GRAMD2B: variants seen among roughly 807,000 people sequenced by gnomAD.
The protein encoded by GRAMD2B is GRAM domain-containing protein 2B.
GRAMD2B carries 41 observed loss-of-function variants against 59.2 expected under a neutral mutation model. The ratio of observed to expected loss-of-function variants is 0.69; its 90% CI spans 0.54 to 0.90. The LOEUF (loss-of-function observed/expected upper bound fraction) is 0.90. Ranked by LOEUF, GRAMD2B falls within the 40% of genes least tolerant of loss-of-function variation. The probability of loss-of-function intolerance (pLI) is 0.00; values close to 1 mark genes in which losing one functional copy is unlikely to be tolerated. For synonymous variants in GRAMD2B, 161 were observed against 182.7 expected (o/e 0.88, Z 0.96); for missense variants, 424 against 500.5 (o/e 0.85, Z 1.46).
chr5:126,407,502 G>A (rs1402052596), intron 1 of GRAMD2B, among the ~76,000 whole-genome samples: 2 of 151,898 alleles, frequency 1.3e-5, no homozygotes, highest in Non-Finnish European at 2.9e-5. Flanking sequence ...CTTTCCTTCT[G>A]CTCACAAGAG....
At chr5:126,464,226 G>A (rs143208237) in intron 1 of GRAMD2B, among the ~76,000 whole-genome samples, 1 of 152,202 alleles carries the variant, frequency 6.6e-6, no homozygotes, top group Non-Finnish European at 1.5e-5. Flanking sequence ...ACAGTCATAT[G>A]CAGGTGAGAC....
At chr5:126,394,801 G>A (rs573818104) in intron 1 of GRAMD2B, among the ~76,000 whole-genome samples, 19 of 152,290 alleles carry the variant, frequency 1.2e-4, no homozygotes, top group South Asian at 4.1e-4. Flanking sequence ...TCAAGAAACT[G>A]TAAATGTATT....
intron 1 of GRAMD2B, among the ~76,000 whole-genome samples, chr5:126,464,632 C>T (rs181916361): frequency 2.0e-5 from 3 of 152,294 alleles, no homozygotes; most frequent in South Asian, 2.1e-4. Context: ...GTTTTTCCAA[C>T]GCCTATTGAT....
chr5:126,449,150 T>C (rs1764872130), intron 1 of GRAMD2B, among the ~76,000 whole-genome samples: 3 of 152,202 alleles, frequency 2.0e-5, no homozygotes, highest in Non-Finnish European at 4.4e-5. Context: ...ATGTCAAATA[T>C]AAAATTAAAA....
At chr5:126,414,964 A>G (rs934364528) in intron 1 of GRAMD2B, among the ~76,000 whole-genome samples, 18 of 152,172 alleles carry the variant, frequency 1.2e-4, no homozygotes, top group African/African-American at 3.9e-4. Flanking sequence ...TAGTTTGTCT[A>G]TATAAAGACA....
intron 1 of GRAMD2B, among the ~76,000 whole-genome samples, chr5:126,396,585 G>A (rs1417727999): frequency 6.6e-6 from 1 of 152,180 alleles, no homozygotes; most frequent in African/African-American, 2.4e-5. Context: ...TTGTTGATGG[G>A]CATTTATGTT....
At chr5:126,455,932 T>C (rs1479298248) in intron 1 of GRAMD2B, among the ~76,000 whole-genome samples, 2 of 152,158 alleles carry the variant, frequency 1.3e-5, no homozygotes, top group Non-Finnish European at 2.9e-5. Flanking sequence ...CATGTATTGT[T>C]CTGTGTTTAT....
upstream of GRAMD2B, chr5:126,423,136 C>T (rs912621151): frequency 3.4e-5 from 34 of 994,180 alleles, no homozygotes; most frequent in African/African-American, 5.4e-4. Context: ...CAGACGTCTC[C>T]ATTTCCGGTA....
intron 1 of GRAMD2B, among the ~76,000 whole-genome samples, chr5:126,380,674 G>T (rs563294504): frequency 1.7e-4 from 26 of 152,164 alleles, no homozygotes; most frequent in African/African-American, 6.0e-4. Flanking sequence ...TGTAAAAGGG[G>T]TTGAGTTATT....
intron 1 of GRAMD2B, among the ~76,000 whole-genome samples, chr5:126,428,809 C>T (rs1245375179): frequency 6.6e-6 from 1 of 152,076 alleles, no homozygotes; most frequent in Non-Finnish European, 1.5e-5. Flanking sequence ...TAATCATTAG[C>T]GAAACGCAAA....
intron 1 of GRAMD2B, among the ~76,000 whole-genome samples, chr5:126,412,897 A>T (rs1281031686): frequency 6.6e-6 from 1 of 152,002 alleles, no homozygotes; most frequent in Non-Finnish European, 1.5e-5. Context: ...ATATGTATGG[A>T]GGTGTTTATA....
chr5:126,386,488 G>A (rs1369078105), intron 1 of GRAMD2B, among the ~76,000 whole-genome samples: 1 of 152,224 alleles, frequency 6.6e-6, no homozygotes, highest in African/African-American at 2.4e-5. Flanking sequence ...GAATCTGGAA[G>A]TAAATTGGCT....
chr5:126,451,908 C>A (rs1286758144), intron 1 of GRAMD2B, among the ~76,000 whole-genome samples: 1 of 151,956 alleles, frequency 6.6e-6, no homozygotes, highest in African/African-American at 2.4e-5. Context: ...CTTGGACTTC[C>A]CCTTCTCTCT....
At chr5:126,458,609 C>G (rs898931352) in intron 1 of GRAMD2B, among the ~76,000 whole-genome samples, 94 of 152,196 alleles carry the variant, frequency 6.2e-4, no homozygotes, top group African/African-American at 2.0e-3. Flanking sequence ...AACTAGCTAC[C>G]ACGGTTGTAT....
At chr5:126,486,222 A>G (rs1162366335) in intron 11 of GRAMD2B, among the ~76,000 whole-genome samples, 5 of 152,176 alleles carry the variant, frequency 3.3e-5, no homozygotes, top group Non-Finnish European at 4.4e-5. Context: ...TCTTTTAGCT[A>G]TTTGAAACTC....
At chr5:126,375,322 T>C (rs757605645) in intron 1 of GRAMD2B, among the ~76,000 whole-genome samples, 11 of 152,040 alleles carry the variant, frequency 7.2e-5, no homozygotes, top group Non-Finnish European at 1.0e-4. Flanking sequence ...AATATTGAAA[T>C]AATAAAAATT....
intron 1 of GRAMD2B, chr5:126,445,615 T>C (rs1425639098): frequency 8.4e-6 from 1 of 118,660 alleles, no homozygotes; most frequent in Non-Finnish European, 1.7e-5. Flanking sequence ...CTCTTGGGTA[T>C]GTGGTGGGGA....
rs373229279 is a variant in GRAMD2B, at chr5:126,480,418, G to T, written c.583-38G>T. On this transcript the variant is annotated intron_variant, in intron 6 of 13. Transcript: ENST00000285689. ...ACTCTCAACTCTCACTTCTCATCCG[G>T]CAATATCTATTCATAATTATCCTGT... The T allele has an allele frequency of 2.5e-4, 371 of 1,456,526 alleles. 1 individual carries two copies. The Middle Eastern group carries it at 4.0e-3, about 16-fold the overall frequency. 90.2% of individuals were successfully genotyped at this position (1,456,526 alleles called of 1,614,324 possible).
chr5:126,381,711 G>A (rs1377116562), intron 1 of GRAMD2B, among the ~76,000 whole-genome samples: 4 of 152,036 alleles, frequency 2.6e-5, no homozygotes, highest in Non-Finnish European at 5.9e-5. Flanking sequence ...GCGATGTGAG[G>A]TAGTATTCTA....
Sources: allele counts gnomAD v4.1 joint callset (sites outside exome capture counted in the v4.1 genomes callset), GRCh38; gene constraint gnomAD v4.1.1; transcripts MANE v1.5; gene names NCBI Gene and HGNC (gene_info 2026-07-23, HGNC 2026-07-21).